KPNA1: variants seen among roughly 807,000 people sequenced by gnomAD.
The protein encoded by KPNA1 is importin subunit alpha-5.
A neutral mutation model predicts 70.5 loss-of-function variants in KPNA1; 10 were observed. The ratio of observed to expected loss-of-function variants is 0.14; its 90% CI spans 0.09 to 0.24. KPNA1 has a LOEUF of 0.24. KPNA1 is among the 10% of genes least tolerant of loss of function. The pLI is 1.00. For missense variants in KPNA1, 397 were observed against 637.9 expected, an observed-to-expected ratio of 0.62 and a Z score of 4.07; for synonymous variants, 192 against 221.9, an observed-to-expected ratio of 0.87 and a Z score of 1.20.
rs2076332852 is a variant in KPNA1 at position 122,462,283 on chromosome 3, T to C, written c.338-965A>G. On this transcript the variant is annotated intron_variant, in intron 4 of 13. Transcript: ENST00000344337. Reference sequence around the variant, plus strand: ...ATCTAAGTTTTTTAAATGGCAATTTTTAAAAATCTACATGACTTCACAAAC... The same window carrying C: ...ATCTAAGTTTTTTAAATGGCAATTTCTAAAAATCTACATGACTTCACAAAC... Among the ~76,000 whole-genome samples, 3 of 152,156 alleles carry C rather than the reference T, an allele frequency of 2.0e-5. No individual in the cohort carries two copies. In the South Asian group the frequency reaches 6.2e-4, roughly 32 times the overall value.
intron 8 of KPNA1, among the ~76,000 whole-genome samples, chr3:122,450,545 G>A (rs1216185197): frequency 6.6e-6 from 1 of 152,196 alleles, no homozygotes; most frequent in Non-Finnish European, 1.5e-5. Flanking sequence ...CCGCGCCACT[G>A]CACTTCAGCC....
intron 2 of KPNA1, among the ~76,000 whole-genome samples, chr3:122,486,529 C>G (rs141496600): frequency 4.9e-4 from 74 of 152,140 alleles, no homozygotes; most frequent in African/African-American, 1.8e-3. Context: ...ATGGTTTTCA[C>G]AGACTGTCAA....
chr3:122,444,769 G>A (rs1304514344), intron 9 of KPNA1, among the ~76,000 whole-genome samples: 2 of 152,206 alleles, frequency 1.3e-5, no homozygotes, highest in East Asian at 1.9e-4. Context: ...AGGGTCTGGA[G>A]TGGACCTCCA....
At chr3:122,440,424 T>C (rs1576285846) in intron 10 of KPNA1, among the ~76,000 whole-genome samples, 1 of 152,248 alleles carries the variant, frequency 6.6e-6, no homozygotes, top group South Asian at 2.1e-4. Context: ...AAAGCATGCG[T>C]TAAAACTCTG....
At chr3:122,466,667 A>G (rs923939783) in intron 3 of KPNA1, among the ~76,000 whole-genome samples, 2 of 152,212 alleles carry the variant, frequency 1.3e-5, no homozygotes, top group African/African-American at 4.8e-5. Flanking sequence ...TAAATCATAC[A>G]AACAGGTCAA....
At chr3:122,429,468 A>AAAAAAAAAAAC in intron 12 of KPNA1, among the ~76,000 whole-genome samples, 1 of 150,540 alleles carries the variant, frequency 6.6e-6, no homozygotes, top group Non-Finnish European at 1.5e-5. Context: ...AAAAAAAAAA[A>AAAAAAAAAAAC]AGAATCTCAT....
rs1189764467 is a variant in KPNA1, at chr3:122,451,613, C to A, written c.674G>T (p.Arg225Leu). The A allele has an allele frequency of 1.2e-6, 2 of 1,613,564 alleles. No individual in the cohort carries two copies. The highest frequency in any genetic ancestry group is 8.5e-7 in the Non-Finnish European group (1 of 1,179,804). The change falls in exon 8 of 14, where the codon CGC becomes CTC. Residue 225 changes from arginine (R) to leucine (L), a missense_variant. Physicochemically the swap from Arg to Leu is moderately radical, Grantham distance 102. Coordinates refer to ENST00000344337, the MANE Select transcript of KPNA1 (RefSeq NM_002264.4). ...TACTGCATTCCGGGTCATGGTCAGG[C>A]GGTTTTGCTTTGAAAATAACCTAAA... ...PLLQLFSKQNRLTMTRNAVWA... is the reference protein window; with the variant it reads ...PLLQLFSKQNLLTMTRNAVWA...
intron 9 of KPNA1, among the ~76,000 whole-genome samples, chr3:122,445,192 G>A (rs182929059): frequency 5.9e-5 from 9 of 152,280 alleles, no homozygotes; most frequent in African/African-American, 2.2e-4. Flanking sequence ...AGAATAAACA[G>A]TGTAGAGAAG....
intron 2 of KPNA1, among the ~76,000 whole-genome samples, chr3:122,495,262 C>CAAAAAAAAAAAA (rs748751423): frequency 0.11 from 8,887 of 79,186 alleles, 221 homozygotes; most frequent in Non-Finnish European, 0.14. Flanking sequence ...TCAAACAAAC[C>CAAAAAAAAAAAA]AAAAAAAAAA....
intron 9 of KPNA1, among the ~76,000 whole-genome samples, chr3:122,447,428 A>T (rs1456927421): frequency 5.3e-5 from 8 of 152,238 alleles, no homozygotes; most frequent in Non-Finnish European, 5.9e-5. Flanking sequence ...AAACTACATG[A>T]TTATCTCAAC....
At chr3:122,441,091 G>A (rs746807656) in intron 10 of KPNA1, among the ~76,000 whole-genome samples, 3 of 152,172 alleles carry the variant, frequency 2.0e-5, no homozygotes, top group Non-Finnish European at 2.9e-5. Context: ...GGTAATCACT[G>A]ACATTATAAA....
intron 9 of KPNA1, among the ~76,000 whole-genome samples, chr3:122,448,592 G>A (rs545252027): frequency 5.9e-5 from 9 of 152,212 alleles, no homozygotes; most frequent in East Asian, 5.8e-4. Flanking sequence ...GGGGCCTGTC[G>A]TGGAGTTGGG....
At chr3:122,431,971 T>C (rs2075916511) in intron 12 of KPNA1, among the ~76,000 whole-genome samples, 1 of 152,058 alleles carries the variant, frequency 6.6e-6, no homozygotes, top group Admixed American at 6.6e-5. Flanking sequence ...ACCTGGCTAA[T>C]TTTTGTACTT....
intron 12 of KPNA1, among the ~76,000 whole-genome samples, chr3:122,432,121 A>C (rs1364810365): frequency 4.6e-5 from 7 of 152,214 alleles, no homozygotes; most frequent in Non-Finnish European, 1.0e-4. Flanking sequence ...TCAATTAAGA[A>C]AATATATTTG....
At chr3:122,502,368 C>G (rs140641401) in intron 1 of KPNA1, among the ~76,000 whole-genome samples, 1 of 152,270 alleles carries the variant, frequency 6.6e-6, no homozygotes, top group East Asian at 1.9e-4. Context: ...TCATGAGGGT[C>G]CCACCCTGAT....
intron 1 of KPNA1, among the ~76,000 whole-genome samples, chr3:122,510,154 AT>A (rs1313535948): frequency 1.3e-5 from 2 of 152,130 alleles, no homozygotes; most frequent in South Asian, 4.1e-4. Context: ...AAGAATAAAG[AT>A]TTTTTTCAGT....
Position 122,422,327 on chromosome 3 carries a change from AAC to A in KPNA1, c.*4656_*4657del, listed in dbSNP as rs1388735447. On this transcript the variant is annotated 3_prime_UTR_variant, in exon 14 of 14. Coordinates refer to ENST00000344337, the MANE Select transcript of KPNA1 (RefSeq NM_002264.4). ...CATGTGTTTAGCCATTATTTTACTA[AAC>A]ACAAAATCATTTGCACAAAAAAAAA... 8 of 149,220 alleles carry A rather than the reference AAC, an allele frequency of 5.4e-5. No homozygotes were observed. The South Asian group carries it at 1.5e-3, about 28-fold the overall frequency. 9.2% of individuals were successfully genotyped at this position (149,220 alleles called of 1,614,324 possible).
At chr3:122,435,249 T>C (rs2075969870) in intron 11 of KPNA1, among the ~76,000 whole-genome samples, 2 of 152,172 alleles carry the variant, frequency 1.3e-5, no homozygotes, top group South Asian at 4.1e-4. Context: ...GATCTCTCTG[T>C]TTCCATTCAT....
chr3:122,448,114 G>C (rs557036923), intron 9 of KPNA1, among the ~76,000 whole-genome samples: 3 of 152,172 alleles, frequency 2.0e-5, no homozygotes, highest in Admixed American at 2.0e-4. Context: ...TGCTGGAGAG[G>C]ATGTGGAGAA....
Sources: gnomAD v4.1 joint callset for allele counts (sites outside exome capture counted in the v4.1 genomes callset) on GRCh38, gnomAD v4.1.1 for gene constraint, MANE v1.5 for transcripts, NCBI Gene and HGNC (gene_info 2026-07-23, HGNC 2026-07-21) for gene names.